CDH4: variants seen among roughly 807,000 people sequenced by gnomAD.
The protein encoded by CDH4 is cadherin-4.
CDH4 carries 33 observed loss-of-function variants against 86.0 expected under a neutral mutation model. That is an observed-to-expected ratio of 0.38 (90% CI 0.29 to 0.51). The LOEUF (loss-of-function observed/expected upper bound fraction) is 0.51. CDH4 is among the 20% of genes least tolerant of loss of function. CDH4 has a pLI of 0.86. For synonymous variants in CDH4, 555 were observed against 549.4 expected, an observed-to-expected ratio of 1.01 and a Z score of -0.14; for missense variants, 1,114 against 1,307.4, an observed-to-expected ratio of 0.85 and a Z score of 2.28.
chr20:61,634,618 G>A (rs114901232), intron 2 of CDH4, among the ~76,000 whole-genome samples: 2,597 of 152,328 alleles, frequency 0.017, 67 homozygotes, highest in African/African-American at 0.058. Context: ...CAGCACTCCT[G>A]GGCCGCCCCA....
At chr20:61,733,962 C>A (rs1414256765) in intron 2 of CDH4, among the ~76,000 whole-genome samples, 1 of 152,250 alleles carries the variant, frequency 6.6e-6, no homozygotes, top group Non-Finnish European at 1.5e-5. Context: ...TCAGCAGGCT[C>A]CTGCCGCAGA....
Position 61,601,874 on chromosome 20 carries a change from C to T in CDH4, c.170-141689C>T, listed in dbSNP as rs544738623. Reference sequence around the variant, plus strand: ...CCTCAGCATCCAGAAAGCAGTGTCGCGTTCAGTTGGAAACAGCTCTGTAGA... The same window carrying T: ...CCTCAGCATCCAGAAAGCAGTGTCGTGTTCAGTTGGAAACAGCTCTGTAGA... On this transcript the variant is annotated intron_variant, in intron 2 of 15. Coordinates refer to ENST00000614565, the MANE Select transcript of CDH4 (RefSeq NM_001794.5). Among the ~76,000 whole-genome samples, 16 of 152,326 alleles carry T rather than the reference C, an allele frequency of 1.1e-4. 1 individual carries two copies. In the South Asian group the frequency reaches 2.7e-3, roughly 26 times the overall value.
At chr20:61,660,733 C>T (rs544590803) in intron 2 of CDH4, among the ~76,000 whole-genome samples, 23 of 152,118 alleles carry the variant, frequency 1.5e-4, no homozygotes, top group East Asian at 3.9e-4. Context: ...CTGGGCCACC[C>T]GGGTTTTGTT....
chr20:61,723,787 G>T (rs2088072331), intron 2 of CDH4, among the ~76,000 whole-genome samples: 1 of 152,206 alleles, frequency 6.6e-6, no homozygotes, highest in Admixed American at 6.5e-5. Context: ...ATCTGGGCTG[G>T]GAAAATTCAG....
At chr20:61,715,632 C>A (rs1600904547) in intron 2 of CDH4, among the ~76,000 whole-genome samples, 2 of 152,342 alleles carry the variant, frequency 1.3e-5, no homozygotes, top group Admixed American at 1.3e-4. Flanking sequence ...AACCACAGCA[C>A]CTTTTAAATT....
intron 4 of CDH4, among the ~76,000 whole-genome samples, chr20:61,818,712 A>C (rs1980863392): frequency 1.3e-5 from 2 of 149,894 alleles, no homozygotes; most frequent in South Asian, 4.2e-4. Flanking sequence ...AAAAGCGGGA[A>C]GTTGCTCTCC....
At chr20:61,321,259 A>G (rs989701578) in intron 2 of CDH4, among the ~76,000 whole-genome samples, 1 of 152,188 alleles carries the variant, frequency 6.6e-6, no homozygotes, top group Non-Finnish European at 1.5e-5. Context: ...GGAAATGAAT[A>G]GAGTCTTCTC....
At position 61,582,167 on chromosome 20, in the gene CDH4, C is replaced by T. The variant is rs2086434448; in HGVS notation, c.170-161396C>T. On this transcript the variant is annotated intron_variant, in intron 2 of 15. Transcript: ENST00000614565. The surrounding 1 kb of genome is among the most constrained non-coding windows in gnomAD (Gnocchi z 4.2). ...GTGTGTGCACGGAGACTTTCCTGTCCACCTGCCCCTCCCTGGTCATCCCAG... is the reference window on the plus strand; with the variant it reads ...GTGTGTGCACGGAGACTTTCCTGTCTACCTGCCCCTCCCTGGTCATCCCAG... Among the ~76,000 whole-genome samples the T allele has an allele frequency of 1.3e-5, 2 of 152,346 alleles. No homozygotes were observed. The highest frequency in any genetic ancestry group is 1.9e-4 in the East Asian group (1 of 5,176).
chr20:61,894,232 C>T (rs1415811301), intron 7 of CDH4, among the ~76,000 whole-genome samples: 1 of 152,154 alleles, frequency 6.6e-6, no homozygotes, highest in Non-Finnish European at 1.5e-5. Flanking sequence ...GATTTTGGCA[C>T]TGATGGACTC....
intron 2 of CDH4, among the ~76,000 whole-genome samples, chr20:61,554,818 G>A (rs949337248): frequency 3.3e-5 from 5 of 152,244 alleles, no homozygotes; most frequent in African/African-American, 9.6e-5. Context: ...GCACATGCGT[G>A]TGAGAGTATG....
chr20:61,760,409 C>G (rs1181342992), intron 3 of CDH4, among the ~76,000 whole-genome samples: 1 of 152,238 alleles, frequency 6.6e-6, no homozygotes, highest in African/African-American at 2.4e-5. Context: ...CTGCAGCGTG[C>G]TGGGTGATCC....
intron 6 of CDH4, 51 bp downstream of exon 6, chr20:61,852,949 C>T (rs775495335): frequency 1.3e-6 from 2 of 1,590,632 alleles, no homozygotes; most frequent in Non-Finnish European, 1.7e-6. Flanking sequence ...TCTGCGGGTG[C>T]AGCACAGGCC....
chr20:61,722,751 G>A (rs972637815), intron 2 of CDH4, among the ~76,000 whole-genome samples: 16 of 151,916 alleles, frequency 1.1e-4, no homozygotes, highest in African/African-American at 3.9e-4. Flanking sequence ...TGCACTGACA[G>A]ATACACCCTG....
intron 4 of CDH4, among the ~76,000 whole-genome samples, chr20:61,794,224 C>A (rs1979398872): frequency 6.6e-6 from 1 of 151,804 alleles, no homozygotes; most frequent in Non-Finnish European, 1.5e-5. Context: ...GCCTGGGCCC[C>A]TGGGAGAACT....
chr20:61,485,702 C>CA, intron 2 of CDH4, among the ~76,000 whole-genome samples: 1 of 152,370 alleles, frequency 6.6e-6, no homozygotes, highest in East Asian at 1.9e-4. Context: ...AGGACCACTG[C>CA]AGGGTGAATC....
At chr20:61,488,461 G>C (rs187166820) in intron 2 of CDH4, among the ~76,000 whole-genome samples, 1 of 152,190 alleles carries the variant, frequency 6.6e-6, no homozygotes, top group South Asian at 2.1e-4. Flanking sequence ...GGCATCCCAC[G>C]GTGGTGATTG....
intron 5 of CDH4, among the ~76,000 whole-genome samples, chr20:61,850,955 G>A (rs552217167): frequency 1.1e-4 from 17 of 152,362 alleles, no homozygotes; most frequent in African/African-American, 3.4e-4. Context: ...TACAGATAGC[G>A]CCTGAAACTG....
At chr20:61,320,728 T>C (rs1409110219) in intron 2 of CDH4, among the ~76,000 whole-genome samples, 1 of 151,684 alleles carries the variant, frequency 6.6e-6, no homozygotes, top group Non-Finnish European at 1.5e-5. Flanking sequence ...AGCCTGGCTT[T>C]AGTGAGACCT....
rs942098611 is a variant in CDH4, at chr20:61,708,845, C to T, written c.170-34718C>T. ...GAAATCAATAGTGGGCATTGGCAGA[C>T]GTGCAGAACACCCCGCGTGCAATCT... On this transcript the variant is annotated intron_variant, in intron 2 of 15. Coordinates refer to ENST00000614565, the MANE Select transcript of CDH4 (RefSeq NM_001794.5). The surrounding 1 kb of genome is among the most constrained non-coding windows in gnomAD (Gnocchi z 4.5). 7.9e-5 allele frequency among the ~76,000 whole-genome samples: 12 copies of T among 152,362 alleles called. No individual in the cohort carries two copies. The East Asian group carries it at 1.2e-3, about 15-fold the overall frequency.
Sources: gnomAD v4.1 joint callset for allele counts (sites outside exome capture counted in the v4.1 genomes callset) on GRCh38, gnomAD v4.1.1 for gene constraint, Gnocchi (gnomAD v3.1) non-coding constraint, MANE v1.5 for transcripts, NCBI Gene and HGNC (gene_info 2026-07-23, HGNC 2026-07-21) for gene names.